SREK1: variants seen among roughly 807,000 people sequenced by gnomAD.
SREK1 encodes splicing regulatory glutamine/lysine-rich protein 1.
Under a neutral mutation model 66.5 loss-of-function variants are expected in SREK1, and 13 were observed. That is an observed-to-expected ratio of 0.20 (90% CI 0.13 to 0.31). The LOEUF (loss-of-function observed/expected upper bound fraction) is 0.31, where lower values mean the gene tolerates loss of function less well. Among genes scored for constraint, SREK1 ranks in the 10% least tolerant of loss-of-function variants. SREK1 has a pLI of 1.00. For synonymous variants in SREK1, 265 were observed against 263.5 expected, an observed-to-expected ratio of 1.01 and a Z score of -0.05; for missense variants, 607 against 769.6, an observed-to-expected ratio of 0.79 and a Z score of 2.50.
rs575492291 is a variant in SREK1, at chr5:66,144,887, T to A, written c.161+350T>A. The stretch of plus-strand genomic sequence containing the variant: ...GCAGGTGGGCCCGGAACAGCCCTCA[T>A]GGCAAACGTCTCAGAGCGTTTTTCC... On this transcript the variant is annotated intron_variant, in intron 1 of 11. Coordinates refer to ENST00000334121, the MANE Select transcript of SREK1 (RefSeq NM_001077199.3). The A allele has an allele frequency of 1.3e-5, 13 of 1,013,754 alleles. No individual in the cohort carries two copies. The South Asian group carries it at 4.6e-4, about 36-fold the overall frequency. The allele number at this position is 1,013,754 out of a possible 1,614,324, so 62.8% of individuals were successfully genotyped here.
At chr5:66,166,181 A>G (rs1309148644) in intron 7 of SREK1, 1 of 152,256 alleles carries the variant, frequency 6.6e-6, no homozygotes, top group African/African-American at 2.4e-5. Flanking sequence ...GGATATTTCC[A>G]TATGTTGACA....
Position 66,163,785 on chromosome 5 carries a change from A to C in SREK1, c.756-7A>C. 1 of 1,606,602 alleles carries C rather than the reference A, an allele frequency of 6.2e-7. No individual in the cohort carries two copies. The highest frequency in any genetic ancestry group is 8.5e-7 in the Non-Finnish European group (1 of 1,176,866). On this transcript the variant is annotated splice_region_variant and splice_polypyrimidine_tract_variant and intron_variant, in intron 5 of 11. Coordinates refer to ENST00000334121, the MANE Select transcript of SREK1 (RefSeq NM_001077199.3). ...GTATTTGTGATATGCTAATATTTTT[A>C]ATTTAGAATAAATCACTCCAACAAT... is the stretch of plus-strand genomic sequence containing the variant.
Position 66,180,154 on chromosome 5 carries a change from A to G in SREK1, c.*1286A>G, listed in dbSNP as rs1399785448. On this transcript the variant is annotated 3_prime_UTR_variant, in exon 12 of 12. Transcript: ENST00000334121. The stretch of plus-strand genomic sequence containing the variant: ...GGTTATTGGTTTTATGTTTAAGGAT[A>G]CGTTTACTTGAGTTTAAGATACAGG... The G allele has an allele frequency of 6.6e-6, 1 of 152,526 alleles. No individual in the cohort carries two copies. Among genetic ancestry groups the G allele is most frequent in the Non-Finnish European group, 1.5e-5 (1 of 67,988 alleles). The allele number at this position is 152,526 out of a possible 1,614,324, so 9.4% of individuals were successfully genotyped here.
chr5:66,174,082 A>G (rs1187696690), intron 9 of SREK1, among the ~76,000 whole-genome samples: 2 of 149,836 alleles, frequency 1.3e-5, no homozygotes, highest in African/African-American at 2.5e-5. Flanking sequence ...ATTCCAGAGG[A>G]TTTGGTTTTT....
intron 1 of SREK1, among the ~76,000 whole-genome samples, chr5:66,146,468 G>A (rs190498423): frequency 3.9e-5 from 6 of 152,202 alleles, no homozygotes; most frequent in African/African-American, 1.4e-4. Context: ...AGAATAAAAA[G>A]TTCTTCACTT....
In SREK1 at chr5:66,164,908, C is replaced by T. The variant is rs199546761; in HGVS notation, c.1001+11C>T. ...ACAATCAAAACACAGGTGAGAATTT[C>T]TGCTGTCATATTTAAATTTTATTTT... On this transcript the variant is annotated intron_variant, in intron 7 of 11. Transcript: ENST00000334121. 37 of 1,596,834 alleles carry T rather than the reference C, an allele frequency of 2.3e-5. No homozygotes were observed. The highest frequency in any genetic ancestry group is 2.9e-5 in the Non-Finnish European group (34 of 1,171,988).
chr5:66,166,808 C>T (rs988653990), intron 7 of SREK1: 6 of 152,014 alleles, frequency 3.9e-5, no homozygotes, highest in African/African-American at 1.4e-4. Context: ...TCAGCATATT[C>T]TGTTTTTGTG....
chr5:66,156,326 C>A, intron 2 of SREK1: 1 of 1,292,954 alleles, frequency 7.7e-7, no homozygotes, highest in Non-Finnish European at 9.8e-7. Flanking sequence ...AGCTGGTTTT[C>A]CCAGTTCTTT....
chr5:66,162,769 T>C (rs1744872613), intron 5 of SREK1, 177 bp downstream of exon 5: 10 of 553,198 alleles, frequency 1.8e-5, no homozygotes, highest in Non-Finnish European at 2.7e-5. Flanking sequence ...TTAAATTCCT[T>C]TATTTAGAGA....
chr5:66,161,058 A>C (rs1420510076), intron 3 of SREK1, among the ~76,000 whole-genome samples: 1 of 152,208 alleles, frequency 6.6e-6, no homozygotes, highest in Non-Finnish European at 1.5e-5. Context: ...TGGCATAAGT[A>C]AGGGCTCAAT....
intron 2 of SREK1, among the ~76,000 whole-genome samples, chr5:66,154,930 A>G (rs1744152613): frequency 6.6e-6 from 1 of 152,226 alleles, no homozygotes; most frequent in African/African-American, 2.4e-5. Context: ...GAGAAACTGC[A>G]TGGGAAAAAA....
chr5:66,166,165 G>C (rs1745157856), intron 7 of SREK1: 1 of 152,260 alleles, frequency 6.6e-6, no homozygotes, highest in African/African-American at 2.4e-5. Context: ...AGTGATACTA[G>C]ACTGTGGATA....
intron 2 of SREK1, chr5:66,155,942 A>G (rs1371977788): frequency 1.4e-6 from 2 of 1,391,748 alleles, no homozygotes; most frequent in South Asian, 1.3e-5. Flanking sequence ...ATACGGTCAA[A>G]CATAACAAGG....
At chr5:66,151,616 G>A (rs921108918) in intron 1 of SREK1, among the ~76,000 whole-genome samples, 4 of 152,110 alleles carry the variant, frequency 2.6e-5, no homozygotes, top group African/African-American at 9.7e-5. Context: ...ACTTGTACCT[G>A]GGAGTCTAGA....
chr5:66,168,771 C>A (rs1041249027), intron 7 of SREK1: 1 of 152,174 alleles, frequency 6.6e-6, no homozygotes, highest in Non-Finnish European at 1.5e-5. Flanking sequence ...TATAGAAGTT[C>A]ATTCAGCTTC....
At chr5:66,168,831 AATG>A (rs1217809720) in intron 7 of SREK1, 2 of 152,228 alleles carry the variant, frequency 1.3e-5, no homozygotes, top group African/African-American at 4.8e-5. Context: ...GTTAACTTTT[AATG>A]ATGATGACAT....
In SREK1 at chr5:66,174,984, C is replaced by T. The variant is rs776706081; in HGVS notation, c.1523C>T (p.Ser508Leu). 4.3e-6 allele frequency: 7 copies of T among 1,612,898 alleles called. No individual in the cohort carries two copies. The highest frequency in any genetic ancestry group is 1.7e-5 in the Admixed American group (1 of 59,958). The change falls in exon 10 of 12, where the codon TCG becomes TTG. Residue 508 changes from serine (S) to leucine (L), a missense_variant. By Grantham distance (145) the Ser-to-Leu change is moderately radical. Coordinates refer to ENST00000334121, the MANE Select transcript of SREK1 (RefSeq NM_001077199.3). ...AGGAGGAGCAGGAGTTCTTCCAGAT[C>T]GCCAAGAACATCAAAAACCATAAAA... ...RRRRSRSSSRSPRTSKTIKRK... is the reference protein window; with the variant it reads ...RRRRSRSSSRLPRTSKTIKRK...
chr5:66,152,337 G>C (rs1305246722), intron 1 of SREK1, among the ~76,000 whole-genome samples: 1 of 152,180 alleles, frequency 6.6e-6, no homozygotes, highest in Non-Finnish European at 1.5e-5. Flanking sequence ...GTTCCTGGAC[G>C]TGAAGAATTA....
At chr5:66,172,251 T>A (rs1561514820) in intron 9 of SREK1, among the ~76,000 whole-genome samples, 1 of 152,196 alleles carries the variant, frequency 6.6e-6, no homozygotes, top group Non-Finnish European at 1.5e-5. Context: ...AGACATTACC[T>A]TTCACAGCAC....
Sources: gnomAD v4.1 joint callset for allele counts (sites outside exome capture counted in the v4.1 genomes callset) on GRCh38, gnomAD v4.1.1 for gene constraint, MANE v1.5 for transcripts, NCBI Gene and HGNC (gene_info 2026-07-23, HGNC 2026-07-21) for gene names.